The following CSGALNACT1 variants were observed in gnomAD, a reference collection of about 807,000 sequenced individuals.
CSGALNACT1 encodes the protein beta4GalNAcT-1.
Under a neutral mutation model 51.0 loss-of-function variants are expected in CSGALNACT1, and 52 were observed. The observed-to-expected ratio is 1.02, with a 90% CI of 0.82 to 1.29. The LOEUF is 1.29. CSGALNACT1 is among the 50% of genes most tolerant of loss of function. The pLI is 0.00. For missense variants in CSGALNACT1, 935 were observed against 679.2 expected, an observed-to-expected ratio of 1.38 and a Z score of -4.19; for synonymous variants, 341 against 254.4, an observed-to-expected ratio of 1.34 and a Z score of -3.24.
intron 1 of CSGALNACT1, among the ~76,000 whole-genome samples, chr8:19,630,181 A>G (rs971555868): frequency 6.9e-6 from 1 of 144,686 alleles, no homozygotes; most frequent in Non-Finnish European, 1.5e-5. Flanking sequence ...TAGCCATCCA[A>G]GTTCCCACGT....
At chr8:19,598,004 C>T (rs1192714190) in intron 2 of CSGALNACT1, among the ~76,000 whole-genome samples, 1 of 152,208 alleles carries the variant, frequency 6.6e-6, no homozygotes, top group Admixed American at 6.5e-5. Flanking sequence ...TCCCCCCTTA[C>T]CTGCCTCCCA....
chr8:19,423,173 G>C (rs2058218106), intron 6 of CSGALNACT1, among the ~76,000 whole-genome samples: 1 of 152,160 alleles, frequency 6.6e-6, no homozygotes, highest in African/African-American at 2.4e-5. Context: ...AAGGGAAGAA[G>C]AACATAGGCT....
intron 5 of CSGALNACT1, among the ~76,000 whole-genome samples, chr8:19,448,076 T>A (rs547145927): frequency 6.6e-6 from 1 of 152,026 alleles, no homozygotes; most frequent in African/African-American, 2.4e-5. Flanking sequence ...CCAGTGGAGG[T>A]TGAACTTAAC....
At chr8:19,591,806 G>A (rs2047883488) in intron 2 of CSGALNACT1, among the ~76,000 whole-genome samples, 1 of 151,956 alleles carries the variant, frequency 6.6e-6, no homozygotes, top group Non-Finnish European at 1.5e-5. Context: ...AGGGATAAAA[G>A]CAATTCTTAT....
At chr8:19,425,617 T>C (rs2058656478) in intron 6 of CSGALNACT1, among the ~76,000 whole-genome samples, 1 of 152,196 alleles carries the variant, frequency 6.6e-6, no homozygotes, top group Non-Finnish European at 1.5e-5. Flanking sequence ...TCCATCCCTT[T>C]GTTCGTCCTC....
intron 5 of CSGALNACT1, among the ~76,000 whole-genome samples, chr8:19,455,277 A>G (rs2063878710): frequency 6.6e-6 from 1 of 152,238 alleles, no homozygotes; most frequent in Non-Finnish European, 1.5e-5. Flanking sequence ...AATATAAAAC[A>G]TATGGTAGCT....
At chr8:19,487,584 G>A (rs2073277423) in intron 4 of CSGALNACT1, among the ~76,000 whole-genome samples, 1 of 152,184 alleles carries the variant, frequency 6.6e-6, no homozygotes, top group Admixed American at 6.5e-5. Context: ...AAAAATGTCA[G>A]ACTTTGAAAG....
intron 1 of CSGALNACT1, among the ~76,000 whole-genome samples, chr8:19,690,715 T>C (rs1419988899): frequency 1.3e-5 from 2 of 152,184 alleles, no homozygotes; most frequent in African/African-American, 4.8e-5. Flanking sequence ...TAATAATATG[T>C]GATTGAAACT....
At chr8:19,405,334 C>A (rs1351805992) in exon 10 of CSGALNACT1, 1 of 454,898 alleles carries the variant, frequency 2.2e-6, no homozygotes. Context: ...CCTCTCCTGC[C>A]TTCTGATATT....
upstream of CSGALNACT1, chr8:19,602,557 C>T (rs1217985267): frequency 6.6e-6 from 1 of 152,204 alleles, no homozygotes; most frequent in Non-Finnish European, 1.5e-5. Flanking sequence ...GTGGGCGCGT[C>T]CCAGGGAACA....
chr8:19,572,730 G>A (rs2043290921), intron 3 of CSGALNACT1, among the ~76,000 whole-genome samples: 2 of 152,290 alleles, frequency 1.3e-5, no homozygotes, highest in East Asian at 1.9e-4. Context: ...AAACGCTAAT[G>A]GCATTTCACA....
At chr8:19,630,446 G>T (rs1016398007) in intron 1 of CSGALNACT1, among the ~76,000 whole-genome samples, 1 of 151,690 alleles carries the variant, frequency 6.6e-6, no homozygotes, top group Non-Finnish European at 1.5e-5. Flanking sequence ...ATCATGCATT[G>T]GTGTGGTATA....
At chr8:19,630,098 G>T (rs573906724) in intron 1 of CSGALNACT1, among the ~76,000 whole-genome samples, 62 of 152,130 alleles carry the variant, frequency 4.1e-4, no homozygotes, top group African/African-American at 1.3e-3. Flanking sequence ...AGGCCAACAC[G>T]GGCCGAATGA....
intron 5 of CSGALNACT1, among the ~76,000 whole-genome samples, chr8:19,450,610 G>C (rs568166053): frequency 6.6e-6 from 1 of 152,220 alleles, no homozygotes; most frequent in South Asian, 2.1e-4. Flanking sequence ...CAAAAATGAA[G>C]TCATTTGCAG....
chr8:19,693,147 G>A (rs953979406), intron 1 of CSGALNACT1, among the ~76,000 whole-genome samples: 2 of 152,082 alleles, frequency 1.3e-5, no homozygotes, highest in African/African-American at 4.8e-5. Context: ...AGGCTTATTT[G>A]CCAACTGGCT....
chr8:19,409,445 T>C (rs906460786), intron 8 of CSGALNACT1, among the ~76,000 whole-genome samples: 4 of 152,118 alleles, frequency 2.6e-5, no homozygotes, highest in Non-Finnish European at 5.9e-5. Flanking sequence ...ATTTCCAATA[T>C]ATTTGCTGAA....
chr8:19,634,664 A>AT (rs915911787), intron 1 of CSGALNACT1, among the ~76,000 whole-genome samples: 71 of 152,068 alleles, frequency 4.7e-4, no homozygotes, highest in African/African-American at 1.4e-3. Context: ...CTGTCTCAAT[A>AT]TTTTTTTTAA....
At chr8:19,671,731 G>A (rs532123986) in intron 1 of CSGALNACT1, among the ~76,000 whole-genome samples, 2 of 152,280 alleles carry the variant, frequency 1.3e-5, no homozygotes, top group East Asian at 3.9e-4. Flanking sequence ...GATTGGGAGT[G>A]CGGGGTGGTG....
chr8:19,484,520 A>C (rs1192583454), intron 4 of CSGALNACT1, among the ~76,000 whole-genome samples: 1 of 152,198 alleles, frequency 6.6e-6, no homozygotes, highest in Admixed American at 6.5e-5. Flanking sequence ...GCAAAGGAGA[A>C]GCAAAGGCAT....
Sources: allele counts gnomAD v4.1 joint callset (sites outside exome capture counted in the v4.1 genomes callset), GRCh38; gene constraint gnomAD v4.1.1; transcripts MANE v1.5; gene names NCBI Gene and HGNC (gene_info 2026-07-23, HGNC 2026-07-21).